The following ZDHHC6 variants were observed in gnomAD, a reference collection of about 807,000 sequenced individuals.
ZDHHC6 encodes zDHHC palmitoyltransferase 6, also known as palmitoyltransferase ZDHHC6.
ZDHHC6 carries 32 observed loss-of-function variants against 57.8 expected under a neutral mutation model. The observed-to-expected ratio is 0.55, with a 90% confidence interval of 0.42 to 0.74. The LOEUF (loss-of-function observed/expected upper bound fraction) is 0.74, where lower values mean the gene tolerates loss of function less well. Among genes scored for constraint, ZDHHC6 ranks in the 30% least tolerant of loss-of-function variants. The pLI is 0.00. For synonymous variants in ZDHHC6, 128 were observed against 158.0 expected (o/e 0.81, Z 1.42); for missense variants, 433 against 500.7 (o/e 0.86, Z 1.29).
intron 2 of ZDHHC6, 27 bp downstream of exon 2, chr10:112,445,143 T>C: frequency 1.9e-6 from 3 of 1,597,656 alleles, no homozygotes; most frequent in African/African-American, 1.3e-5. Context: ...ATCATTAAAG[T>C]TCATTGTCTT....
intron 3 of ZDHHC6, among the ~76,000 whole-genome samples, chr10:112,442,852 TC>T (rs1846256741): frequency 6.6e-6 from 1 of 152,108 alleles, no homozygotes; most frequent in African/African-American, 2.4e-5. Flanking sequence ...GCAAGCTAAC[TC>T]CAGAATATAA....
At chr10:112,447,182 G>A, upstream of ZDHHC6, 2 of 562,598 alleles carry the variant, frequency 3.6e-6, no homozygotes, top group Non-Finnish European at 6.3e-6. Context: ...AAGCACGCAC[G>A]CAACCCAATT....
intron 2 of ZDHHC6, among the ~76,000 whole-genome samples, chr10:112,444,816 G>A (rs1483267255): frequency 2.0e-5 from 3 of 152,154 alleles, no homozygotes; most frequent in East Asian, 3.8e-4. Context: ...TCTAAGGGAT[G>A]TTAATGTATT....
At chr10:112,434,256 G>A (rs1845304700) in intron 7 of ZDHHC6, 41 bp downstream of exon 7, 2 of 1,495,510 alleles carry the variant, frequency 1.3e-6, no homozygotes, top group African/African-American at 1.4e-5. Context: ...GGGAAAGAAG[G>A]CGAGGCAAAA....
chr10:112,446,128 T>C (rs932123984), intron 1 of ZDHHC6, among the ~76,000 whole-genome samples: 4 of 152,154 alleles, frequency 2.6e-5, no homozygotes, highest in African/African-American at 9.7e-5. Flanking sequence ...AGTCTTGAAT[T>C]AAGCCAAGTA....
At chr10:112,425,323 ATC>A, downstream of ZDHHC6, 2 of 1,594,266 alleles carry the variant, frequency 1.3e-6, no homozygotes, top group Non-Finnish European at 1.7e-6. Context: ...TGATACTTTT[ATC>A]TGTCTCATGT....
intron 3 of ZDHHC6, among the ~76,000 whole-genome samples, chr10:112,442,753 C>A (rs1846243907): frequency 1.3e-5 from 2 of 152,180 alleles, no homozygotes; most frequent in African/African-American, 4.8e-5. Context: ...CCCTTATAGA[C>A]CTCCAGTGGG....
At chr10:112,439,767 C>CCTGTA (rs1346164513) in intron 5 of ZDHHC6, among the ~76,000 whole-genome samples, 1 of 150,446 alleles carries the variant, frequency 6.6e-6, no homozygotes, top group Non-Finnish European at 1.5e-5. Context: ...TACATATGGC[C>CCTGTA]CTGTATTAGT....
At chr10:112,441,163 T>C (rs958717222) in intron 4 of ZDHHC6, among the ~76,000 whole-genome samples, 1 of 152,184 alleles carries the variant, frequency 6.6e-6, no homozygotes, top group South Asian at 2.1e-4. Flanking sequence ...TTAATTAATA[T>C]AGTAATGAGC....
downstream of ZDHHC6, among the ~76,000 whole-genome samples, chr10:112,428,836 G>A (rs1254185012): frequency 1.3e-5 from 2 of 152,090 alleles, no homozygotes; most frequent in Non-Finnish European, 2.9e-5. Context: ...AGGGATTCTG[G>A]CTTAAATGGC....
At chr10:112,436,449 C>T (rs1227766598) in intron 6 of ZDHHC6, among the ~76,000 whole-genome samples, 2 of 152,196 alleles carry the variant, frequency 1.3e-5, no homozygotes, top group Non-Finnish European at 2.9e-5. Context: ...GCACTCCAGC[C>T]TGGGCAACAG....
chr10:112,436,475 C>G (rs577251677), intron 6 of ZDHHC6, among the ~76,000 whole-genome samples: 1 of 152,096 alleles, frequency 6.6e-6, no homozygotes, highest in Non-Finnish European at 1.5e-5. Context: ...GACTCCGTCG[C>G]CAGAAAACAA....
chr10:112,426,713 C>T, downstream of ZDHHC6: 2 of 1,345,488 alleles, frequency 1.5e-6, no homozygotes, highest in Admixed American at 1.7e-5. Flanking sequence ...TTGACAGGCA[C>T]TTTGAGTTGG....
intron 6 of ZDHHC6, among the ~76,000 whole-genome samples, chr10:112,436,017 C>T (rs1281562662): frequency 2.6e-5 from 4 of 152,108 alleles, no homozygotes. Context: ...TTAACTAAGT[C>T]TTGAGAAGCA....
chr10:112,447,259 C>G, upstream of ZDHHC6: 4 of 1,119,570 alleles, frequency 3.6e-6, no homozygotes. Flanking sequence ...CCCGGTTCTC[C>G]GTTCTGCTCT....
intron 6 of ZDHHC6, among the ~76,000 whole-genome samples, chr10:112,435,324 T>G (rs1159701672): frequency 6.6e-6 from 1 of 152,162 alleles, no homozygotes; most frequent in East Asian, 1.9e-4. Flanking sequence ...TCCTATAAAT[T>G]TAATATGGTC....
At chr10:112,432,189 G>C in intron 10 of ZDHHC6, 51 bp downstream of exon 10, 1 of 1,537,056 alleles carries the variant, frequency 6.5e-7, no homozygotes, top group Non-Finnish European at 8.7e-7. Context: ...GTAAAATTTG[G>C]AATTATTGCT....
chr10:112,429,869 G>A (rs1844878080), downstream of ZDHHC6, among the ~76,000 whole-genome samples: 1 of 151,242 alleles, frequency 6.6e-6, no homozygotes, highest in Non-Finnish European at 1.5e-5. Flanking sequence ...ACCACTCAGA[G>A]CTCACGTACA....
At position 112,439,669 on chromosome 10, in the gene ZDHHC6, A is replaced by AT. The variant is rs757796332; in HGVS notation, c.681+864_681+865insA. 1.0e-3 allele frequency among the ~76,000 whole-genome samples: 109 copies of AT among 108,608 alleles called. 26 individuals are homozygous for AT. Among genetic ancestry groups the AT allele is most frequent in the South Asian group, 3.5e-3 (11 of 3,176 alleles). The allele number at this position is 108,608 out of a possible 152,430, so 71.3% of individuals were successfully genotyped here. A position where few individuals can be genotyped will look rare whatever the true frequency, so the allele number is the denominator to read the frequency against. ...AAAAAAAAAAAAAAAAAAAAAAAAA[A>AT]GAATGAAAAAGAATGGTTTTTGGTC... On this transcript the variant is annotated intron_variant, in intron 5 of 10. Transcript: ENST00000369405.
Sources: gnomAD v4.1 joint callset for allele counts (sites outside exome capture counted in the v4.1 genomes callset) on GRCh38, gnomAD v4.1.1 for gene constraint, MANE v1.5 for transcripts, NCBI Gene and HGNC (gene_info 2026-07-23, HGNC 2026-07-21) for gene names.